The following KALRN variants were observed in gnomAD, a reference collection of about 807,000 sequenced individuals.
The protein encoded by KALRN is kalirin RhoGEF kinase, also known as kalirin.
Under a neutral mutation model 353.7 loss-of-function variants are expected in KALRN, and 70 were observed. The ratio of observed to expected loss-of-function variants is 0.20; its 90% confidence interval spans 0.16 to 0.24. The LOEUF (loss-of-function observed/expected upper bound fraction) is 0.24. KALRN is among the 10% of genes least tolerant of loss of function. The pLI is 1.00. For missense variants in KALRN, 2,791 were observed against 3,756.7 expected, an observed-to-expected ratio of 0.74 and a Z score of 6.72; for synonymous variants, 1,391 against 1,434.8, an observed-to-expected ratio of 0.97 and a Z score of 0.69.
At chr3:124,208,748 T>C (rs192878574) in intron 1 of KALRN, among the ~76,000 whole-genome samples, 253 of 152,256 alleles carry the variant, frequency 1.7e-3, no homozygotes, top group Non-Finnish European at 2.7e-3. Flanking sequence ...GATGATCACT[T>C]GAATGCAGGA....
At chr3:124,463,535 G>A (rs2060047178) in intron 25 of KALRN, among the ~76,000 whole-genome samples, 1 of 152,210 alleles carries the variant, frequency 6.6e-6, no homozygotes. Context: ...CAATACAGTA[G>A]CACTAGATAT....
At chr3:124,612,754 G>A (rs1198731840) in intron 34 of KALRN, among the ~76,000 whole-genome samples, 1 of 152,152 alleles carries the variant, frequency 6.6e-6, no homozygotes, top group African/African-American at 2.4e-5. Context: ...TAATTTCAGC[G>A]ACTTTGTCTG....
intron 33 of KALRN, among the ~76,000 whole-genome samples, chr3:124,545,542 A>C (rs2069532232): frequency 6.6e-6 from 1 of 152,208 alleles, no homozygotes; most frequent in African/African-American, 2.4e-5. Flanking sequence ...ACACAGGGAC[A>C]TGACTGTCCT....
intron 49 of KALRN, among the ~76,000 whole-genome samples, chr3:124,677,759 G>A (rs1485359707): frequency 6.6e-6 from 1 of 152,102 alleles, no homozygotes; most frequent in African/African-American, 2.4e-5. Flanking sequence ...TCTGGTCCTG[G>A]GAAAGTGTCA....
intron 16 of KALRN, among the ~76,000 whole-genome samples, chr3:124,432,075 C>T (rs768587796): frequency 1.3e-5 from 2 of 152,116 alleles, no homozygotes; most frequent in Non-Finnish European, 2.9e-5. Flanking sequence ...ACAGTGTTAG[C>T]ATGTATTCAC....
At chr3:124,685,911 T>C (rs2061534856) in intron 51 of KALRN, among the ~76,000 whole-genome samples, 1 of 152,140 alleles carries the variant, frequency 6.6e-6, no homozygotes, top group Non-Finnish European at 1.5e-5. Flanking sequence ...AGCCTGCTAT[T>C]GAAGAAGCAA....
At chr3:124,174,578 C>G (rs1224490620) in intron 1 of KALRN, among the ~76,000 whole-genome samples, 1 of 152,252 alleles carries the variant, frequency 6.6e-6, no homozygotes, top group Non-Finnish European at 1.5e-5. Flanking sequence ...ACTCCTCCAT[C>G]CCCAGGATGT....
At chr3:124,443,955 C>T (rs377407169) in intron 19 of KALRN, among the ~76,000 whole-genome samples, 32 of 152,308 alleles carry the variant, frequency 2.1e-4, no homozygotes, top group African/African-American at 7.5e-4. Context: ...TGAGCAGGGA[C>T]CTACAATCCC....
chr3:124,103,617 C>T (rs891516179), intron 1 of KALRN, among the ~76,000 whole-genome samples: 16 of 152,064 alleles, frequency 1.1e-4, no homozygotes, highest in African/African-American at 2.9e-4. Context: ...GGTGTAAGCT[C>T]GCTGCCCTTA....
intron 25 of KALRN, among the ~76,000 whole-genome samples, chr3:124,471,180 T>C (rs1418860351): frequency 6.6e-6 from 1 of 152,008 alleles, no homozygotes. Context: ...ATTTAGTGTC[T>C]ACTGTGTGCC....
chr3:124,267,400 A>T (rs1179419765), intron 4 of KALRN, among the ~76,000 whole-genome samples: 2 of 152,208 alleles, frequency 1.3e-5, no homozygotes, highest in African/African-American at 4.8e-5. Context: ...CTCCCATGTG[A>T]TGCCAATACT....
chr3:124,167,875 C>T (rs572441989), intron 1 of KALRN, among the ~76,000 whole-genome samples: 1 of 152,190 alleles, frequency 6.6e-6, no homozygotes, highest in African/African-American at 2.4e-5. Context: ...CTTTCCAGTA[C>T]AGTTCTCAAT....
intron 10 of KALRN, among the ~76,000 whole-genome samples, chr3:124,382,604 C>T (rs1362832900): frequency 1.3e-5 from 2 of 152,150 alleles, no homozygotes; most frequent in African/African-American, 4.8e-5. Context: ...TTTTATTTAT[C>T]TCTTATTGGT....
chr3:124,143,004 T>C (rs1252044160), intron 1 of KALRN, among the ~76,000 whole-genome samples: 2 of 152,120 alleles, frequency 1.3e-5, no homozygotes, highest in Non-Finnish European at 2.9e-5. Flanking sequence ...CTTTTTTTTT[T>C]CACTTTTCTA....
chr3:124,155,231 C>A (rs2068806020), intron 1 of KALRN, among the ~76,000 whole-genome samples: 1 of 152,046 alleles, frequency 6.6e-6, no homozygotes, highest in Non-Finnish European at 1.5e-5. Flanking sequence ...ACCAAAGGAA[C>A]CTTCTTCTTC....
intron 37 of KALRN, among the ~76,000 whole-genome samples, chr3:124,648,595 G>A (rs2083035416): frequency 6.6e-6 from 1 of 152,232 alleles, no homozygotes; most frequent in African/African-American, 2.4e-5. Context: ...ATGAACTTCA[G>A]CAGCATCTAA....
At chr3:124,552,558 G>C (rs543642128) in intron 33 of KALRN, among the ~76,000 whole-genome samples, 3 of 152,196 alleles carry the variant, frequency 2.0e-5, no homozygotes, top group Non-Finnish European at 4.4e-5. Context: ...TTCCCAGTCT[G>C]ATTCCAATCT....
chr3:124,104,535 A>G (rs1195059600), intron 1 of KALRN, among the ~76,000 whole-genome samples: 1 of 152,180 alleles, frequency 6.6e-6, no homozygotes, highest in African/African-American at 2.4e-5. Context: ...GGAGGGACAG[A>G]TTGGGGCTAC....
chr3:124,638,846 G>T (rs769890577), intron 37 of KALRN, among the ~76,000 whole-genome samples: 1 of 152,168 alleles, frequency 6.6e-6, no homozygotes, highest in Non-Finnish European at 1.5e-5. Flanking sequence ...AAATGGTTTT[G>T]TGTGTGTTTT....
Sources: gnomAD v4.1 joint callset for allele counts (sites outside exome capture counted in the v4.1 genomes callset) on GRCh38, gnomAD v4.1.1 for gene constraint, MANE v1.5 for transcripts, NCBI Gene and HGNC (gene_info 2026-07-23, HGNC 2026-07-21) for gene names.